ZHX2: variants seen among roughly 807,000 people sequenced by gnomAD.
The protein encoded by ZHX2 is zinc fingers and homeoboxes protein 2.
Under a neutral mutation model 21.9 loss-of-function variants are expected in ZHX2, and 6 were observed. That is an observed-to-expected ratio of 0.27 (90% CI 0.15 to 0.54). The LOEUF (loss-of-function observed/expected upper bound fraction) is 0.54, where lower values mean the gene tolerates loss of function less well. ZHX2 is among the 20% of genes least tolerant of loss of function. ZHX2 has a pLI of 0.95. For synonymous variants in ZHX2, 434 were observed against 437.1 expected, an observed-to-expected ratio of 0.99 and a Z score of 0.09; for missense variants, 908 against 1,090.7, an observed-to-expected ratio of 0.83 and a Z score of 2.36.
intron 2 of ZHX2, among the ~76,000 whole-genome samples, chr8:122,915,564 C>G (rs1820580916): frequency 6.6e-6 from 1 of 152,242 alleles, no homozygotes; most frequent in Non-Finnish European, 1.5e-5. Flanking sequence ...AATCGTTCAT[C>G]TCTTTCTGCT....
upstream of ZHX2, chr8:122,780,414 C>G (rs929538876): frequency 2.0e-5 from 3 of 152,418 alleles, no homozygotes; most frequent in Non-Finnish European, 4.4e-5. Flanking sequence ...TAAACTAGCC[C>G]CCAGACCGCA....
At chr8:122,807,865 C>T (rs1225120155) in intron 1 of ZHX2, 1 of 152,250 alleles carries the variant, frequency 6.6e-6, no homozygotes, top group Non-Finnish European at 1.5e-5. Flanking sequence ...TAACTCTAGA[C>T]ACTGTCTCTT....
chr8:122,903,638 C>CT (rs1820281768), intron 2 of ZHX2, among the ~76,000 whole-genome samples: 1 of 152,194 alleles, frequency 6.6e-6, no homozygotes, highest in Non-Finnish European at 1.5e-5. Context: ...CATTGCTAGG[C>CT]TAACAAGTTT....
rs529844105 is a variant in ZHX2 at position 122,898,256 on chromosome 8, T to C, written c.-220+34717T>C. On this transcript the variant is annotated intron_variant, in intron 2 of 3. Transcript: ENST00000314393. ...TGTTCCAAAGCTCTTGTCATTTTGT[T>C]AAATCACCGGAAAGAAATTGGGGAT... 2.0e-5 allele frequency among the ~76,000 whole-genome samples: 3 copies of C among 152,240 alleles called. No homozygotes were observed. In the East Asian group the frequency reaches 5.8e-4, roughly 29 times the overall value.
intron 1 of ZHX2, among the ~76,000 whole-genome samples, chr8:122,820,849 G>A (rs1347865483): frequency 6.6e-6 from 1 of 152,192 alleles, no homozygotes. Flanking sequence ...CAGCCACCCT[G>A]GCTTCCAAAT....
intron 2 of ZHX2, among the ~76,000 whole-genome samples, chr8:122,916,211 C>T (rs1017188294): frequency 2.0e-5 from 3 of 152,240 alleles, no homozygotes; most frequent in African/African-American, 7.2e-5. Context: ...CCCAGCAAGG[C>T]TCCAAAGACT....
At chr8:122,808,692 C>T (rs1376836727) in intron 1 of ZHX2, 1 of 152,172 alleles carries the variant, frequency 6.6e-6, no homozygotes, top group Non-Finnish European at 1.5e-5. Flanking sequence ...CAATGGTTAA[C>T]CCATGTAATT....
chr8:122,921,395 A>G (rs1820735200), intron 2 of ZHX2, among the ~76,000 whole-genome samples: 3 of 151,998 alleles, frequency 2.0e-5, no homozygotes, highest in African/African-American at 7.2e-5. Context: ...GAAGGAGATG[A>G]TTTGTGCCCA....
chr8:122,850,432 G>A (rs1414881442), intron 1 of ZHX2, among the ~76,000 whole-genome samples: 1 of 152,124 alleles, frequency 6.6e-6, no homozygotes, highest in African/African-American at 2.4e-5. Context: ...GAGGTCAGGA[G>A]TTCGAGACCA....
At chr8:122,817,370 C>T (rs571466473) in intron 1 of ZHX2, among the ~76,000 whole-genome samples, 1 of 152,308 alleles carries the variant, frequency 6.6e-6, no homozygotes, top group Admixed American at 6.5e-5. Context: ...TTTGCCCACT[C>T]AGGATCAGTT....
At chr8:122,918,616 C>T (rs77503757) in intron 2 of ZHX2, among the ~76,000 whole-genome samples, 2,164 of 152,274 alleles carry the variant, frequency 0.014, 50 homozygotes, top group Admixed American at 0.057. Context: ...GCTGTTGAAG[C>T]ATGAAAGCAT....
intron 1 of ZHX2, among the ~76,000 whole-genome samples, chr8:122,813,178 A>G (rs1401476307): frequency 1.3e-5 from 2 of 151,262 alleles, no homozygotes; most frequent in Admixed American, 6.6e-5. Flanking sequence ...CCTGGGCAAC[A>G]AGAGTGAAAC....
At chr8:122,869,786 C>G (rs1220341851) in intron 2 of ZHX2, among the ~76,000 whole-genome samples, 5 of 152,214 alleles carry the variant, frequency 3.3e-5, no homozygotes, top group Admixed American at 2.6e-4. Flanking sequence ...TTTGCTAGTT[C>G]TGTGATTCTG....
At chr8:122,959,512 T>C (rs1813390073) in intron 3 of ZHX2, among the ~76,000 whole-genome samples, 1 of 152,196 alleles carries the variant, frequency 6.6e-6, no homozygotes, top group African/African-American at 2.4e-5. Context: ...ATATCATTAA[T>C]CTCTGAATCC....
At chr8:122,901,899 T>C (rs1290959835) in intron 2 of ZHX2, among the ~76,000 whole-genome samples, 1 of 152,168 alleles carries the variant, frequency 6.6e-6, no homozygotes, top group African/African-American at 2.4e-5. Flanking sequence ...TAAGCTGGAT[T>C]AACTTTGAAA....
chr8:122,940,317 G>C (rs928939529), intron 2 of ZHX2, among the ~76,000 whole-genome samples: 2 of 152,194 alleles, frequency 1.3e-5, no homozygotes, highest in Admixed American at 6.5e-5. Context: ...TCTGAGCTTT[G>C]GAATTCATTG....
intron 1 of ZHX2, among the ~76,000 whole-genome samples, chr8:122,786,768 C>A (rs1440953176): frequency 2.0e-5 from 3 of 151,636 alleles, no homozygotes; most frequent in Non-Finnish European, 4.4e-5. Flanking sequence ...GTCCGTACCA[C>A]ACATCAGGTA....
intron 1 of ZHX2, among the ~76,000 whole-genome samples, chr8:122,857,847 A>C (rs184887019): frequency 1.3e-5 from 2 of 151,928 alleles, no homozygotes; most frequent in African/African-American, 4.8e-5. Context: ...AAAAAGGGAG[A>C]TAAGGCTTAA....
rs922757809 is a variant in ZHX2 at position 122,816,065 on chromosome 8, G to A, written c.-283+34119G>A. On this transcript the variant is annotated intron_variant, in intron 1 of 3. Coordinates refer to ENST00000314393, the MANE Select transcript of ZHX2 (RefSeq NM_014943.5). The stretch of plus-strand genomic sequence containing the variant: ...ACCACACTCCAGCCTGGGCGACAGA[G>A]CAAGACTCCGTCTCAAAAAAAAAAA... Among the ~76,000 whole-genome samples, 7 of 126,798 alleles carry A rather than the reference G, an allele frequency of 5.5e-5. No homozygotes were observed. The Admixed American group carries it at 6.6e-4, about 12-fold the overall frequency. The allele number at this position is 126,798 out of a possible 152,430, so 83.2% of individuals were successfully genotyped here. A position where few individuals can be genotyped will look rare whatever the true frequency, so the allele number is the denominator to read the frequency against.
Sources: gnomAD v4.1 joint callset for allele counts (sites outside exome capture counted in the v4.1 genomes callset) on GRCh38, gnomAD v4.1.1 for gene constraint, MANE v1.5 for transcripts, NCBI Gene and HGNC (gene_info 2026-07-23, HGNC 2026-07-21) for gene names.